The following SOAT1 variants were observed in gnomAD, a reference collection of about 807,000 sequenced individuals.
The protein encoded by SOAT1 is sterol O-acyltransferase 1.
A neutral mutation model predicts 69.5 loss-of-function variants in SOAT1; 55 were observed. That is an observed-to-expected ratio of 0.79 (90% confidence interval 0.64 to 0.99). SOAT1 has a LOEUF of 0.99. Among genes scored for constraint, SOAT1 ranks in the 50% least tolerant of loss-of-function variants. The pLI is 0.00. For missense variants in SOAT1, 580 were observed against 669.3 expected, an observed-to-expected ratio of 0.87 and a Z score of 1.47; for synonymous variants, 231 against 224.7, an observed-to-expected ratio of 1.03 and a Z score of -0.25.
At chr1:179,307,071 C>G (rs1665033780) in intron 2 of SOAT1, among the ~76,000 whole-genome samples, 1 of 152,104 alleles carries the variant, frequency 6.6e-6, no homozygotes, top group Non-Finnish European at 1.5e-5. Context: ...CCTTTAATAC[C>G]TCAAAATGAA....
chr1:179,313,028 C>T (rs1284292825), intron 2 of SOAT1, among the ~76,000 whole-genome samples: 4 of 152,212 alleles, frequency 2.6e-5, no homozygotes, highest in Non-Finnish European at 4.4e-5. Context: ...CAGTGACATG[C>T]ATGTCCTTAT....
intron 1 of SOAT1, among the ~76,000 whole-genome samples, chr1:179,295,249 C>T (rs2124925003): frequency 6.6e-6 from 1 of 152,232 alleles, no homozygotes; most frequent in African/African-American, 2.4e-5. Flanking sequence ...ATTTTCTTTC[C>T]TCTCTTGGCT....
intron 2 of SOAT1, among the ~76,000 whole-genome samples, chr1:179,312,488 A>G (rs929505000): frequency 2.0e-5 from 3 of 152,102 alleles, no homozygotes; most frequent in Non-Finnish European, 2.9e-5. Context: ...TCCCCTACAG[A>G]CTTCTCGTGT....
rs374482820 is a variant in SOAT1, at chr1:179,302,854, A to G, written c.118+52A>G. 7.3e-6 allele frequency: 7 copies of G among 955,528 alleles called. No individual in the cohort carries two copies. The East Asian group carries it at 1.2e-4, about 17-fold the overall frequency. The allele number at this position is 955,528 out of a possible 1,614,324, so 59.2% of individuals were successfully genotyped here. A position where few individuals can be genotyped will look rare whatever the true frequency, so the allele number is the denominator to read the frequency against. The stretch of plus-strand genomic sequence containing the variant: ...TGAATTAGTGAAATAGAGAACAAAT[A>G]CAGTGTTATAGAATAAGTATTGCCA... On this transcript the variant is annotated intron_variant, in intron 2 of 15. Transcript: ENST00000367619.
intron 3 of SOAT1, among the ~76,000 whole-genome samples, chr1:179,326,251 C>G (rs1171079656): frequency 1.3e-5 from 2 of 152,160 alleles, no homozygotes; most frequent in African/African-American, 4.8e-5. Context: ...TCCTCTTTCT[C>G]CATTCACAAA....
chr1:179,330,918 G>C (rs576917253), intron 3 of SOAT1, among the ~76,000 whole-genome samples: 1 of 152,278 alleles, frequency 6.6e-6, no homozygotes, highest in South Asian at 2.1e-4. Context: ...TGGCTACCTA[G>C]GTGCAAAGAG....
chr1:179,351,475 C>T lies in SOAT1; in HGVS notation c.1596+13C>T. 1 of 1,611,422 alleles carries T rather than the reference C, an allele frequency of 6.2e-7. No individual in the cohort carries two copies. The highest frequency in any genetic ancestry group is 1.7e-5 in the Admixed American group (1 of 59,472). On this transcript the variant is annotated intron_variant, in intron 15 of 15. Transcript: ENST00000367619. ...TCCTCTGAAAAATGTGAGTCACCAA[C>T]CTGGTTGGAGTGCAAAAGAACCTGT...
At chr1:179,349,486 C>G (rs1666651515) in intron 13 of SOAT1, among the ~76,000 whole-genome samples, 1 of 152,104 alleles carries the variant, frequency 6.6e-6, no homozygotes, top group Non-Finnish European at 1.5e-5. Context: ...CACCACCACG[C>G]CCAGCTAATT....
At chr1:179,338,083 G>A (rs76891681) in intron 5 of SOAT1, among the ~76,000 whole-genome samples, 187 bp downstream of exon 5, 6,643 of 152,106 alleles carry the variant, frequency 0.044, 202 homozygotes, top group Admixed American at 0.081. Flanking sequence ...CAAAAGAGGA[G>A]TTAGGGATAA....
rs547111832 is a variant in SOAT1, at chr1:179,352,541, T to C, written c.1597-1044T>C. Among the ~76,000 whole-genome samples the C allele has an allele frequency of 3.9e-5, 5 of 126,970 alleles. No homozygotes were observed. In the East Asian group the frequency reaches 2.2e-3, roughly 57 times the overall value. 83.3% of individuals were successfully genotyped at this position (126,970 alleles called of 152,430 possible). ...CCAAATGTCCTATATTCTGCTTTTTTCAGTAAATTACAAAAAATATGGCAG... is the reference window on the plus strand; with the variant it reads ...CCAAATGTCCTATATTCTGCTTTTTCCAGTAAATTACAAAAAATATGGCAG... On this transcript the variant is annotated intron_variant, in intron 15 of 15. Transcript: ENST00000367619.
At chr1:179,297,569 T>TCA (rs1276431595) in intron 1 of SOAT1, among the ~76,000 whole-genome samples, 1 of 151,698 alleles carries the variant, frequency 6.6e-6, no homozygotes. Context: ...ATTCCTGACC[T>TCA]TGTGATCCAC....
rs1223241467 is a variant in SOAT1, at chr1:179,342,125, A to G, written c.792A>G (p.Val264=). The change falls in exon 8 of 16, where the codon GTA becomes GTG. Residue 264 remains valine, a synonymous_variant. Coordinates refer to ENST00000367619, the MANE Select transcript of SOAT1 (RefSeq NM_003101.6). The stretch of plus-strand genomic sequence containing the variant: ...TCCTGCTTTTGTAGATTCGTTTTGT[A>G]ATGAAGGCCCACTCATTTGTCAGAG... ...FIIIFEQIRF[V]MKAHSFVREN... 2.5e-6 allele frequency: 4 copies of G among 1,613,748 alleles called. No homozygotes were observed. The highest frequency in any genetic ancestry group is 2.2e-5 in the South Asian group (2 of 91,056).
chr1:179,305,376 C>T (rs1041248346), intron 2 of SOAT1, among the ~76,000 whole-genome samples: 1 of 151,770 alleles, frequency 6.6e-6, no homozygotes, highest in Non-Finnish European at 1.5e-5. Context: ...CCTGCCTCAG[C>T]CTCCTGAGCA....
chr1:179,308,051 A>G (rs1031535331), intron 2 of SOAT1, among the ~76,000 whole-genome samples: 1 of 151,968 alleles, frequency 6.6e-6, no homozygotes, highest in East Asian at 1.9e-4. Flanking sequence ...CGGCCTCCCA[A>G]AGTGCTGATA....
chr1:179,353,216 T>TATAAATATAA (rs1666802215), intron 15 of SOAT1, among the ~76,000 whole-genome samples: 18 of 117,694 alleles, frequency 1.5e-4, no homozygotes, highest in African/African-American at 3.8e-4. Flanking sequence ...TAAATATATA[T>TATAAATATAA]ATATATATCT....
intron 2 of SOAT1, among the ~76,000 whole-genome samples, chr1:179,319,026 C>T (rs1219965588): frequency 1.3e-5 from 2 of 152,106 alleles, no homozygotes; most frequent in African/African-American, 4.8e-5. Flanking sequence ...GACTGTTTTT[C>T]AAAGCACTAC....
chr1:179,327,727 G>A (rs1199059344), intron 3 of SOAT1, among the ~76,000 whole-genome samples: 1 of 152,188 alleles, frequency 6.6e-6, no homozygotes, highest in African/African-American at 2.4e-5. Flanking sequence ...TAGATGTGTA[G>A]ATAGAGGAGC....
Position 179,306,242 on chromosome 1 carries a change from A to C in SOAT1, c.118+3440A>C, listed in dbSNP as rs546353404. Among the ~76,000 whole-genome samples the C allele has an allele frequency of 2.6e-5, 4 of 152,342 alleles. No individual in the cohort carries two copies. In the East Asian group the frequency reaches 5.8e-4, roughly 22 times the overall value. Reference sequence around the variant, plus strand: ...AGGCTCCAACAGCCTCTCAGTGCCCAGCCAACTGCCCTGGCAGCTAGTGGG... The same window carrying C: ...AGGCTCCAACAGCCTCTCAGTGCCCCGCCAACTGCCCTGGCAGCTAGTGGG... On this transcript the variant is annotated intron_variant, in intron 2 of 15. Coordinates refer to ENST00000367619, the MANE Select transcript of SOAT1 (RefSeq NM_003101.6).
At chr1:179,308,991 C>T (rs1665125940) in intron 2 of SOAT1, among the ~76,000 whole-genome samples, 1 of 152,300 alleles carries the variant, frequency 6.6e-6, no homozygotes, top group South Asian at 2.1e-4. Context: ...TTGATGGAAA[C>T]TTAGGCTGTT....
Sources: allele counts gnomAD v4.1 joint callset (sites outside exome capture counted in the v4.1 genomes callset), GRCh38; gene constraint gnomAD v4.1.1; transcripts MANE v1.5; gene names NCBI Gene and HGNC (gene_info 2026-07-23, HGNC 2026-07-21).